Variants in SRGAP2B observed in about 807,000 individuals in gnomAD.
SRGAP2B encodes SLIT-ROBO Rho GTPase-activating protein 2B.
Under a neutral mutation model 22.2 loss-of-function variants are expected in SRGAP2B, and 9 were observed. That is an observed-to-expected ratio of 0.41 (90% confidence interval 0.24 to 0.71). The LOEUF (loss-of-function observed/expected upper bound fraction) is 0.71, where lower values mean the gene tolerates loss of function less well. Ranked by LOEUF, SRGAP2B falls within the 30% of genes least tolerant of loss-of-function variation. SRGAP2B has a pLI of 0.35. For missense variants in SRGAP2B, 114 were observed against 235.8 expected, an observed-to-expected ratio of 0.48 and a Z score of 3.38; for synonymous variants, 36 against 87.4, an observed-to-expected ratio of 0.41 and a Z score of 3.28.
chr1:145,089,137 G>C (rs1653731745), intron 2 of SRGAP2B, among the ~76,000 whole-genome samples: 1 of 151,090 alleles, frequency 6.6e-6, no homozygotes, highest in African/African-American at 2.5e-5. Context: ...TTGGTATCCT[G>C]AGGGAAGTGG....
intron 3 of SRGAP2B, among the ~76,000 whole-genome samples, chr1:144,991,680 G>T (rs7526464): frequency 6.7e-6 from 1 of 148,576 alleles, no homozygotes; most frequent in Admixed American, 6.6e-5. Context: ...GCTCAAGGTT[G>T]GTGAATGCAC....
chr1:145,061,734 C>A (rs1249447056), intron 2 of SRGAP2B, among the ~76,000 whole-genome samples: 2 of 147,898 alleles, frequency 1.4e-5, no homozygotes, highest in African/African-American at 5.1e-5. Flanking sequence ...ATTACGGGCA[C>A]CTGCCACCCA....
chr1:145,009,172 G>GT lies in SRGAP2B; in HGVS notation c.68-13973dup, dbSNP rs1454380835. Among the ~76,000 whole-genome samples, 8 of 126,002 alleles carry GT rather than the reference G, an allele frequency of 6.3e-5. 1 individual carries two copies. Among genetic ancestry groups the GT allele is most frequent in the African/African-American group, 2.7e-4 (8 of 29,470 alleles). The allele number at this position is 126,002 out of a possible 152,430, so 82.7% of individuals were successfully genotyped here. ...AGCCTGGGCGACAGAGCGAGACTCC[G>GT]TCTCAAAAAAAAAAAAAAAAACCTC... On this transcript the variant is annotated intron_variant, in intron 2 of 9. Coordinates refer to ENST00000612199, the Ensembl canonical transcript of SRGAP2B.
At chr1:145,088,382 A>G (rs1252469276) in intron 2 of SRGAP2B, among the ~76,000 whole-genome samples, 3 of 126,492 alleles carry the variant, frequency 2.4e-5, no homozygotes, top group Non-Finnish European at 5.0e-5. Context: ...TTCTATCAAA[A>G]TGCTCCAGAT....
intron 2 of SRGAP2B, among the ~76,000 whole-genome samples, chr1:145,001,500 T>C (rs371311876): frequency 2.0e-5 from 3 of 150,064 alleles, no homozygotes; most frequent in African/African-American, 7.5e-5. Flanking sequence ...AATAATAATA[T>C]AAACAAATGA....
chr1:144,985,309 C>T (rs1450148746), intron 3 of SRGAP2B, among the ~76,000 whole-genome samples: 17 of 137,996 alleles, frequency 1.2e-4, no homozygotes, highest in Admixed American at 7.3e-4. Context: ...CTGGGAGAAA[C>T]GCTGAAAAGA....
chr1:144,991,247 C>G (rs74577969), intron 3 of SRGAP2B, among the ~76,000 whole-genome samples: 1 of 145,462 alleles, frequency 6.9e-6, no homozygotes, highest in Non-Finnish European at 1.5e-5. Flanking sequence ...CTAGTGAGGA[C>G]GTGGAGAACC....
chr1:144,993,884 G>A (rs1343360647), intron 3 of SRGAP2B, among the ~76,000 whole-genome samples: 1 of 150,242 alleles, frequency 6.7e-6, no homozygotes, highest in Non-Finnish European at 1.5e-5. Flanking sequence ...TCCAACCTAC[G>A]GCCTGTGGGC....
intron 3 of SRGAP2B, among the ~76,000 whole-genome samples, chr1:144,963,045 C>T (rs1340000863): frequency 6.6e-6 from 1 of 150,926 alleles, no homozygotes; most frequent in African/African-American, 2.5e-5. Context: ...ACTGCAAAAC[C>T]CTGATTTGGC....
chr1:144,951,653 A>G (rs1335512744), intron 4 of SRGAP2B, among the ~76,000 whole-genome samples: 1 of 149,686 alleles, frequency 6.7e-6, no homozygotes, highest in East Asian at 2.0e-4. Flanking sequence ...CTATTATCAT[A>G]ATTTTTGCAG....
intron 3 of SRGAP2B, among the ~76,000 whole-genome samples, chr1:144,982,258 A>AATT (rs1342421613): frequency 8.1e-6 from 1 of 123,602 alleles, no homozygotes; most frequent in African/African-American, 3.1e-5. Flanking sequence ...ACATATTATT[A>AATT]ATTCACTTAA....
chr1:144,972,753 G>A (rs1769147), intron 3 of SRGAP2B, among the ~76,000 whole-genome samples: 3 of 149,688 alleles, frequency 2.0e-5, no homozygotes, highest in African/African-American at 5.1e-5. Context: ...AAAAATCAAC[G>A]TATAGGTCAC....
chr1:144,902,678 C>T (rs1433194533), intron 7 of SRGAP2B, among the ~76,000 whole-genome samples: 156 of 144,054 alleles, frequency 1.1e-3, no homozygotes, highest in African/African-American at 3.6e-3. Context: ...AGGAGAATGG[C>T]GTGAACCTGG....
intron 3 of SRGAP2B, among the ~76,000 whole-genome samples, chr1:144,984,359 C>CAAAAAAAA (rs1462439817): frequency 7.9e-6 from 1 of 127,052 alleles, no homozygotes; most frequent in Non-Finnish European, 1.7e-5. Context: ...ACAACAACAA[C>CAAAAAAAA]AACAACAAAA....
intron 3 of SRGAP2B, among the ~76,000 whole-genome samples, chr1:144,988,767 C>T (rs1669943233): frequency 6.7e-6 from 1 of 149,646 alleles, no homozygotes; most frequent in Admixed American, 6.6e-5. Flanking sequence ...CTGATGGCCT[C>T]GTACTGCTCT....
At chr1:144,955,337 A>T in intron 4 of SRGAP2B, 102 bp downstream of exon 4, 1 of 580,404 alleles carries the variant, frequency 1.7e-6, no homozygotes, top group South Asian at 2.0e-5. Context: ...TCTGGTGTAC[A>T]GATAATTTTG....
intron 2 of SRGAP2B, among the ~76,000 whole-genome samples, chr1:145,011,523 C>T (rs1437458761): frequency 6.6e-6 from 1 of 150,740 alleles, no homozygotes; most frequent in Non-Finnish European, 1.5e-5. Context: ...AACCTGAACT[C>T]TTGACACCCC....
At chr1:144,922,250 C>A (rs1664309440) in intron 4 of SRGAP2B, among the ~76,000 whole-genome samples, 1 of 80,152 alleles carries the variant, frequency 1.2e-5, no homozygotes, top group Non-Finnish European at 2.4e-5. Context: ...ATCCAGCCCC[C>A]TCAACACTCA....
At chr1:144,947,630 T>C (rs1348683080) in intron 4 of SRGAP2B, among the ~76,000 whole-genome samples, 2 of 140,040 alleles carry the variant, frequency 1.4e-5, no homozygotes, top group East Asian at 4.3e-4. Context: ...AGATTCACCC[T>C]TTGTCACCAG....
Sources: allele counts gnomAD v4.1 joint callset (sites outside exome capture counted in the v4.1 genomes callset), GRCh38; gene constraint gnomAD v4.1.1; transcripts MANE v1.5; gene names NCBI Gene and HGNC (gene_info 2026-07-23, HGNC 2026-07-21).